Variants in CCDC192 observed in about 807,000 individuals in gnomAD.
The protein encoded by CCDC192 is coiled-coil domain containing 192.
At chr5:127,831,619 T>C (rs955188984) in intron 5 of CCDC192, among the ~76,000 whole-genome samples, 4 of 146,242 alleles carry the variant, frequency 2.7e-5, no homozygotes, top group African/African-American at 9.9e-5. Flanking sequence ...GACATACTTA[T>C]TTAAAGTCTT....
chr5:127,904,895 C>T, intron 6 of CCDC192, among the ~76,000 whole-genome samples: 1 of 152,074 alleles, frequency 6.6e-6, no homozygotes, highest in East Asian at 1.9e-4. Flanking sequence ...TTTGCTCTGA[C>T]CAGTGTACTG....
intron 3 of CCDC192, among the ~76,000 whole-genome samples, chr5:127,791,234 A>C (rs1387893090): frequency 6.6e-6 from 1 of 152,228 alleles, no homozygotes; most frequent in South Asian, 2.1e-4. Flanking sequence ...AGAAAATTCA[A>C]CTTTCAATAT....
chr5:127,880,115 G>T (rs1276528920), intron 6 of CCDC192, among the ~76,000 whole-genome samples: 2 of 151,764 alleles, frequency 1.3e-5, no homozygotes, highest in South Asian at 2.1e-4. Context: ...TATACCCAAA[G>T]GACTATAAAT....
chr5:127,764,175 A>G (rs1755083267), intron 3 of CCDC192, among the ~76,000 whole-genome samples: 1 of 152,214 alleles, frequency 6.6e-6, no homozygotes, highest in Non-Finnish European at 1.5e-5. Context: ...AAGGAGGGCC[A>G]TTGAAGGAGG....
chr5:127,717,497 A>AT (rs375249230), intron 2 of CCDC192, among the ~76,000 whole-genome samples: 1,928 of 149,722 alleles, frequency 0.013, 18 homozygotes, highest in African/African-American at 0.024. Flanking sequence ...TGTAATTGGG[A>AT]TTTTTTTTTT....
intron 1 of CCDC192, among the ~76,000 whole-genome samples, chr5:127,707,404 C>T (rs981418289): frequency 2.3e-5 from 2 of 85,498 alleles, no homozygotes; most frequent in Non-Finnish European, 4.9e-5. Context: ...TTCCTCTCCC[C>T]ACTTTTTTTT....
intron 5 of CCDC192, among the ~76,000 whole-genome samples, chr5:127,808,180 C>T (rs115979281): frequency 0.021 from 3,178 of 152,118 alleles, 106 homozygotes; most frequent in African/African-American, 0.07. Flanking sequence ...AGCCAACTTT[C>T]GCCTTACCTC....
intron 2 of CCDC192, among the ~76,000 whole-genome samples, chr5:127,753,913 A>T (rs1266963628): frequency 6.6e-6 from 1 of 152,222 alleles, no homozygotes; most frequent in South Asian, 2.1e-4. Flanking sequence ...AAACATAGGC[A>T]TTCTAGGTGA....
rs1754404793 is a variant in CCDC192, at chr5:127,941,479, A to G, written c.*11A>G. On this transcript the variant is annotated 3_prime_UTR_variant, in exon 7 of 7. Coordinates refer to ENST00000514853, the MANE Select transcript of CCDC192 (RefSeq NM_001317938.2). ...GATGAGAATTTGTAGATTCCCAATA[A>G]GAAAACAATAAAAGTTTATTAAGTG... The G allele has an allele frequency of 2.5e-6, 1 of 399,074 alleles. No homozygotes were observed. Among genetic ancestry groups the G allele is most frequent in the Non-Finnish European group, 4.4e-6 (1 of 226,066 alleles). 24.7% of individuals were successfully genotyped at this position (399,074 alleles called of 1,614,324 possible). A position where few individuals can be genotyped will look rare whatever the true frequency, so the allele number is the denominator to read the frequency against.
At chr5:127,747,601 T>A (rs987789201) in intron 2 of CCDC192, among the ~76,000 whole-genome samples, 1 of 152,100 alleles carries the variant, frequency 6.6e-6, no homozygotes, top group Non-Finnish European at 1.5e-5. Context: ...GCATGATTTA[T>A]AGTCCTTTGG....
At chr5:127,741,891 TCATCAAA>T (rs1753441109) in intron 2 of CCDC192, among the ~76,000 whole-genome samples, 1 of 152,144 alleles carries the variant, frequency 6.6e-6, no homozygotes, top group Non-Finnish European at 1.5e-5. Flanking sequence ...ACCAGAATCT[TCATCAAA>T]GAGGAAGGAA....
rs1752487745 is a variant in CCDC192, at chr5:127,884,415, CTATCTTA to C, written c.535+8759_535+8765del. On this transcript the variant is annotated intron_variant, in intron 6 of 6. Transcript: ENST00000514853. ...CTCAAAAAAAAAAAAATACAGAAAGCTATCTTATATCATTACCATATATTCTTTTTTT... is the reference window on the plus strand; with the variant it reads ...CTCAAAAAAAAAAAAATACAGAAAGCTATCATTACCATATATTCTTTTTTT... Among the ~76,000 whole-genome samples, 5 of 141,606 alleles carry C rather than the reference CTATCTTA, an allele frequency of 3.5e-5. No individual in the cohort carries two copies. In the South Asian group the frequency reaches 1.1e-3, roughly 32 times the overall value. 92.9% of individuals were successfully genotyped at this position (141,606 alleles called of 152,430 possible).
At chr5:127,883,051 G>T (rs191158363) in intron 6 of CCDC192, among the ~76,000 whole-genome samples, 42 of 152,262 alleles carry the variant, frequency 2.8e-4, no homozygotes, top group African/African-American at 9.6e-4. Context: ...CTGGGACTTC[G>T]TCAAAAACCA....
chr5:127,738,041 T>C (rs1580562764), intron 2 of CCDC192, among the ~76,000 whole-genome samples: 2 of 152,138 alleles, frequency 1.3e-5, no homozygotes, highest in Admixed American at 1.3e-4. Context: ...GTCCTTACAT[T>C]TTGGCATGAT....
At chr5:127,762,820 T>C (rs1351066054) in intron 3 of CCDC192, among the ~76,000 whole-genome samples, 1 of 152,232 alleles carries the variant, frequency 6.6e-6, no homozygotes, top group Non-Finnish European at 1.5e-5. Flanking sequence ...TTTGAGATGG[T>C]AAATGAACTT....
chr5:127,931,228 A>G (rs1182326246), intron 6 of CCDC192, among the ~76,000 whole-genome samples: 1 of 152,190 alleles, frequency 6.6e-6, no homozygotes, highest in Admixed American at 6.5e-5. Flanking sequence ...ACCCATAGGA[A>G]GGAAAAGAGA....
intron 6 of CCDC192, among the ~76,000 whole-genome samples, chr5:127,897,044 C>T (rs1471703535): frequency 6.7e-6 from 1 of 149,626 alleles, no homozygotes; most frequent in Non-Finnish European, 1.5e-5. Context: ...TGTATTTCTT[C>T]TCTAATGTCT....
intron 2 of CCDC192, among the ~76,000 whole-genome samples, chr5:127,726,862 C>T (rs1439596928): frequency 2.0e-5 from 3 of 152,166 alleles, no homozygotes; most frequent in African/African-American, 7.2e-5. Context: ...AGTGGGATTC[C>T]TCCCACACAG....
rs998303626 is a variant in CCDC192 at position 127,846,910 on chromosome 5, T to C, written c.412-28628T>C. 2.0e-5 allele frequency among the ~76,000 whole-genome samples: 3 copies of C among 150,756 alleles called. 1 individual carries two copies. The highest frequency in any genetic ancestry group is 4.4e-5 in the Non-Finnish European group (3 of 67,744). On this transcript the variant is annotated intron_variant, in intron 5 of 6. Coordinates refer to ENST00000514853, the MANE Select transcript of CCDC192 (RefSeq NM_001317938.2). ...AGAACTAATGGGTTCCCACATTCTGTCAATTCTACCTTGGAAAAAGGTCGA... is the reference window on the plus strand; with the variant it reads ...AGAACTAATGGGTTCCCACATTCTGCCAATTCTACCTTGGAAAAAGGTCGA...
Sources: gnomAD v4.1 joint callset for allele counts (sites outside exome capture counted in the v4.1 genomes callset) on GRCh38, gnomAD v4.1.1 for gene constraint, MANE v1.5 for transcripts, NCBI Gene and HGNC (gene_info 2026-07-23, HGNC 2026-07-21) for gene names.